F5: variants seen among roughly 807,000 people sequenced by gnomAD.
F5 encodes the protein coagulation factor V, also known as activated protein c cofactor.
F5 carries 138 observed loss-of-function variants against 216.4 expected under a neutral mutation model. The ratio of observed to expected loss-of-function variants is 0.64; its 90% CI spans 0.56 to 0.73. F5 has a LOEUF of 0.73. F5 is among the 30% of genes least tolerant of loss of function. The probability of loss-of-function intolerance (pLI) is 0.00; values close to 1 mark genes in which losing one functional copy is unlikely to be tolerated. For synonymous variants in F5, 916 were observed against 930.7 expected (o/e 0.98, Z 0.29); for missense variants, 2,403 against 2,674.0 (o/e 0.90, Z 2.24).
chr1:169,549,770 T>C (rs1256178980), intron 10 of F5, 31 bp downstream of exon 10: 16 of 1,553,110 alleles, frequency 1.0e-5, no homozygotes, highest in Non-Finnish European at 1.2e-5. Flanking sequence ...ATTCTCAGAA[T>C]TTCTGAAAGG....
At chr1:169,518,183 T>C (rs1177698382) in intron 23 of F5, among the ~76,000 whole-genome samples, 1 of 152,156 alleles carries the variant, frequency 6.6e-6, no homozygotes, top group Non-Finnish European at 1.5e-5. Flanking sequence ...TTGGTTTAAA[T>C]CAAGACTAGA....
At chr1:169,534,871 T>C (rs1312494350) in intron 14 of F5, among the ~76,000 whole-genome samples, 1 of 152,100 alleles carries the variant, frequency 6.6e-6, no homozygotes, top group East Asian at 1.9e-4. Context: ...TGAAATCACG[T>C]CCTTTGCAAC....
chr1:169,544,642 T>C (rs367974843), intron 11 of F5, 134 bp from the exon 12 acceptor site: 7 of 752,748 alleles, frequency 9.3e-6, no homozygotes, highest in East Asian at 2.7e-5. Context: ...AAGCTTTATC[T>C]AGTCTAACAT....
At chr1:169,546,686 A>C (rs1660010661) in intron 10 of F5, 94 bp from the exon 11 acceptor site, 3 of 1,093,974 alleles carry the variant, frequency 2.7e-6, no homozygotes, top group East Asian at 4.7e-5. Context: ...GCGCACCTAC[A>C]ACTATCTGAT....
intron 21 of F5, among the ~76,000 whole-genome samples, chr1:169,521,372 G>A (rs548348056): frequency 6.6e-6 from 1 of 152,238 alleles, no homozygotes; most frequent in East Asian, 1.9e-4. Context: ...AGGCCAAATG[G>A]GGAACTTCCC....
Position 169,546,488 on chromosome 1 carries a change from C to T in F5, c.1716G>A (p.Glu572=), listed in dbSNP as rs6036. 118,811 of 1,613,998 alleles carry T rather than the reference C, an allele frequency of 0.074. 4,953 individuals are homozygous for T. The highest frequency in any genetic ancestry group is 0.1 in the Admixed American group (6,159 of 60,018). ...NINKFCENPD[E]VKRDDPKFYE... is the part of the protein sequence containing the mutation. ...AAAACTTGGGGTCATCACGTTTCAC[C>T]TCATCAGGATTTTCACAAAACTTGT... The change falls in exon 11 of 25, where the codon GAG becomes GAA. Residue 572 remains glutamate (E), a synonymous_variant. Coordinates refer to ENST00000367797, the MANE Select transcript of F5 (RefSeq NM_000130.5).
chr1:169,543,573 G>GA (rs2101820915), intron 12 of F5, among the ~76,000 whole-genome samples: 1 of 152,298 alleles, frequency 6.6e-6, no homozygotes, highest in African/African-American at 2.4e-5. Context: ...AAGGGATGGT[G>GA]ATGAGCTCTA....
At chr1:169,515,307 G>C (rs897830542) in intron 24 of F5, 137 bp downstream of exon 24, 18 of 1,066,582 alleles carry the variant, frequency 1.7e-5, no homozygotes, top group Non-Finnish European at 1.4e-6. Context: ...TCTGAGACCA[G>C]GCACCTTAAG....
rs375249890 is a variant in F5 at position 169,531,002 on chromosome 1, T to A, written c.4992A>T (p.Ala1664=). 1.2e-5 allele frequency: 19 copies of A among 1,613,084 alleles called. No individual in the cohort carries two copies. The African/African-American group carries it at 2.4e-4, about 20-fold the overall frequency. ...GGGCATGTAGAGAATACGGTCTGGA[T>A]GCTAAATTTTTAAAACGAACCTAGG... ...DVIQVRFKNL[A]SRPYSLHAHG... The change falls in exon 15 of 25, where the codon GCA becomes GCT. Residue 1664 remains alanine (A), a synonymous_variant. Coordinates refer to ENST00000367797, the MANE Select transcript of F5 (RefSeq NM_000130.5).
At position 169,586,428 on chromosome 1, in the gene F5, C is replaced by A; in HGVS notation, c.-42G>T. 2 of 1,595,374 alleles carry A rather than the reference C, an allele frequency of 1.3e-6. No homozygotes were observed. The highest frequency in any genetic ancestry group is 2.3e-5 in the East Asian group (1 of 44,166). ...CCGCTGGCTGCCACCACCCCAGGAC[C>A]TGGGCAGCGCTTGCCGAGCTGCTAA... On this transcript the variant is annotated 5_prime_UTR_variant, in exon 1 of 25. In the 5' UTR this introduces an upstream ATG that the reference lacks. Transcript: ENST00000367797.
At chr1:169,567,855 G>T (rs556962671) in intron 3 of F5, among the ~76,000 whole-genome samples, 7 of 152,192 alleles carry the variant, frequency 4.6e-5, no homozygotes, top group African/African-American at 1.7e-4. Context: ...TTGACCTCTA[G>T]ATTTCTTCTA....
chr1:169,537,894 A>T (rs1659742371), intron 13 of F5, among the ~76,000 whole-genome samples: 1 of 152,186 alleles, frequency 6.6e-6, no homozygotes, highest in Non-Finnish European at 1.5e-5. Flanking sequence ...AAATTAGTAC[A>T]GCCATTATGG....
intron 9 of F5, 143 bp from the exon 10 acceptor site, chr1:169,550,158 T>C: frequency 1.4e-6 from 1 of 703,164 alleles, no homozygotes; most frequent in Non-Finnish European, 2.4e-6. Flanking sequence ...TACTTTAAGT[T>C]CTAGGGTACA....
chr1:169,572,072 A>G (rs1238615353), intron 3 of F5, 149 bp downstream of exon 3: 2 of 899,118 alleles, frequency 2.2e-6, no homozygotes, highest in East Asian at 2.7e-5. Flanking sequence ...TTCTTCTCTC[A>G]AAACTTACAA....
At chr1:169,514,540 T>A (rs776368769) in intron 24 of F5, 81 bp from the exon 25 acceptor site, 6 of 1,249,058 alleles carry the variant, frequency 4.8e-6, no homozygotes, top group Non-Finnish European at 6.9e-6. Context: ...TTAGACAGGG[T>A]CTTATTCTGT....
At chr1:169,581,893 G>C (rs917237356) in intron 2 of F5, among the ~76,000 whole-genome samples, 1 of 152,156 alleles carries the variant, frequency 6.6e-6, no homozygotes, top group Non-Finnish European at 1.5e-5. Context: ...TAGTTCCTTT[G>C]AATGAATCTA....
At chr1:169,579,588 A>G (rs1308974061) in intron 2 of F5, among the ~76,000 whole-genome samples, 1 of 151,976 alleles carries the variant, frequency 6.6e-6, no homozygotes, top group African/African-American at 2.4e-5. Flanking sequence ...CTCACAAACT[A>G]TCTCCTTTTC....
chr1:169,512,976 A>T lies in F5; in HGVS notation c.*1337T>A, dbSNP rs1179021409. Reference sequence around the variant, plus strand: ...TCTGGTATGTTGTCTCTTTGTTCTCATTGGTTTTAAGGAACTTATTTATTT... The same window carrying T: ...TCTGGTATGTTGTCTCTTTGTTCTCTTTGGTTTTAAGGAACTTATTTATTT... On this transcript the variant is annotated 3_prime_UTR_variant, in exon 25 of 25. Coordinates refer to ENST00000367797, the MANE Select transcript of F5 (RefSeq NM_000130.5). 6.6e-6 allele frequency among the ~76,000 whole-genome samples: 1 copy of T among 151,992 alleles called. No homozygotes were observed. The highest frequency in any genetic ancestry group is 1.5e-5 in the Non-Finnish European group (1 of 67,980).
At chr1:169,516,780 A>G (rs1332791327) in intron 23 of F5, among the ~76,000 whole-genome samples, 1 of 152,228 alleles carries the variant, frequency 6.6e-6, no homozygotes. Context: ...TAAAGAGACC[A>G]TATAAAGACA....
Sources: allele counts gnomAD v4.1 joint callset (sites outside exome capture counted in the v4.1 genomes callset), GRCh38; gene constraint gnomAD v4.1.1; transcripts MANE v1.5; gene names NCBI Gene and HGNC (gene_info 2026-07-23, HGNC 2026-07-21).